The following LIMS2 variants were observed in gnomAD, a reference collection of about 807,000 sequenced individuals.
LIMS2 encodes LIM zinc finger domain containing 2.
A neutral mutation model predicts 45.3 loss-of-function variants in LIMS2; 30 were observed. The ratio of observed to expected loss-of-function variants is 0.66; its 90% CI spans 0.50 to 0.90. The LOEUF (loss-of-function observed/expected upper bound fraction) is 0.90. Among genes scored for constraint, LIMS2 ranks in the 40% least tolerant of loss-of-function variants. The pLI, the probability that LIMS2 is intolerant of heterozygous loss-of-function variation, is 0.00. For missense variants in LIMS2, 485 were observed against 468.7 expected, an observed-to-expected ratio of 1.03 and a Z score of -0.32; for synonymous variants, 173 against 188.0, an observed-to-expected ratio of 0.92 and a Z score of 0.65.
chr2:127,673,500 C>T (rs1242834214), intron 1 of LIMS2, among the ~76,000 whole-genome samples: 3 of 152,200 alleles, frequency 2.0e-5, no homozygotes, highest in Admixed American at 6.5e-5. Context: ...CCAGCGGTTC[C>T]GGCCGGGCTC....
At chr2:127,676,488 T>C (rs1329185174), upstream of LIMS2, among the ~76,000 whole-genome samples, 1 of 145,884 alleles carries the variant, frequency 6.9e-6, no homozygotes, top group African/African-American at 2.6e-5. Context: ...CTCCGCTCAC[T>C]GCAACCTCCG....
chr2:127,677,975 G>A (rs1425346651), upstream of LIMS2, among the ~76,000 whole-genome samples: 1 of 152,104 alleles, frequency 6.6e-6, no homozygotes, highest in Admixed American at 6.5e-5. The surrounding 1 kb of genome is among the most constrained non-coding windows in gnomAD (Gnocchi z 5.0). Context: ...AAGTGTATAT[G>A]CCTTTGTTAA....
Position 127,640,925 on chromosome 2 carries a change from G to A in LIMS2, c.724C>T (p.Leu242=). 2 of 1,613,920 alleles carry A rather than the reference G, an allele frequency of 1.2e-6. No individual in the cohort carries two copies. The highest frequency in any genetic ancestry group is 1.7e-6 in the Non-Finnish European group (2 of 1,179,920). Reference sequence around the variant, plus strand: ...TTGTAGTGAGTCTCGCAGTAGGCCAGGCCCTTCTTCTCATAGTGCCGGTGC... The same window carrying A: ...TTGTAGTGAGTCTCGCAGTAGGCCAAGCCCTTCTTCTCATAGTGCCGGTGC... ...LGHRHYEKKG[L]AYCETHYNQL... is the part of the protein sequence containing the mutation. The change falls in exon 7 of 10, where the codon CTG becomes TTG. Residue 242 remains leucine (L), a synonymous_variant. Transcript: ENST00000355119.
At chr2:127,661,094 G>C (rs992439844) in intron 1 of LIMS2, among the ~76,000 whole-genome samples, 34 of 152,234 alleles carry the variant, frequency 2.2e-4, no homozygotes, top group African/African-American at 7.5e-4. Flanking sequence ...ACAGCACCAT[G>C]AGAGAACACG....
At chr2:127,641,925 G>A in intron 6 of LIMS2, 124 bp downstream of exon 6, 1 of 1,155,986 alleles carries the variant, frequency 8.7e-7, no homozygotes, top group Non-Finnish European at 1.2e-6. Context: ...CCTGAGGAAG[G>A]GCCTCGTTGG....
Position 127,638,623 on chromosome 2 carries a change from C to T in LIMS2, c.*658G>A, listed in dbSNP as rs59780529. On this transcript the variant is annotated 3_prime_UTR_variant, in exon 10 of 10. Transcript: ENST00000355119. ...CAAGGTCGGGGGGAGAGGGGCGGGG[C>T]GGAACCGAGGGCGGAGGCCAAGGTG... The T allele has an allele frequency of 1.4e-3, 207 of 152,962 alleles. 1 individual carries two copies. Among genetic ancestry groups the T allele is most frequent in the African/African-American group, 4.6e-3 (192 of 41,596 alleles). The allele number at this position is 152,962 out of a possible 1,614,324, so 9.5% of individuals were successfully genotyped here. A position where few individuals can be genotyped will look rare whatever the true frequency, so the allele number is the denominator to read the frequency against.
rs191635254 is a variant in LIMS2 at position 127,657,812 on chromosome 2, G to C, written c.12-250C>G. Among the ~76,000 whole-genome samples the C allele has an allele frequency of 2.6e-5, 4 of 152,248 alleles. No individual in the cohort carries two copies. In the East Asian group the frequency reaches 7.7e-4, roughly 29 times the overall value. On this transcript the variant is annotated intron_variant, in intron 1 of 9. Coordinates refer to ENST00000355119, the MANE Select transcript of LIMS2 (RefSeq NM_001161403.3). ...CCTTCTTCAGGGACCAGAGAGTCTC[G>C]CACACAGAACACCACCCAGCACAGG...
intron 1 of LIMS2, among the ~76,000 whole-genome samples, chr2:127,663,888 G>T (rs1434950624): frequency 6.6e-6 from 1 of 152,176 alleles, no homozygotes; most frequent in Non-Finnish European, 1.5e-5. Context: ...ATGCCCTGAG[G>T]ACCATCCTGA....
rs767932935 is a variant in LIMS2, at chr2:127,640,994, A to T, written c.661-6T>A. On this transcript the variant is annotated splice_polypyrimidine_tract_variant and splice_region_variant and intron_variant, in intron 6 of 9. Coordinates refer to ENST00000355119, the MANE Select transcript of LIMS2 (RefSeq NM_001161403.3). ...CACTTGGCACAGACAAAGTGCTGCA[A>T]GGACAAAGGGCGGGCCGGGTGGCAT... 1.9e-6 allele frequency: 3 copies of T among 1,613,384 alleles called. No individual in the cohort carries two copies. The highest frequency in any genetic ancestry group is 2.5e-6 in the Non-Finnish European group (3 of 1,179,630).
intron 4 of LIMS2, chr2:127,646,098 G>A (rs1421753959): frequency 6.6e-6 from 1 of 152,348 alleles, no homozygotes; most frequent in Non-Finnish European, 1.5e-5. Flanking sequence ...CAGGGCCAGA[G>A]GGGCTGTGGT....
intron 4 of LIMS2, among the ~76,000 whole-genome samples, chr2:127,648,627 C>A (rs113335030): frequency 0.015 from 2,269 of 152,182 alleles, 58 homozygotes; most frequent in African/African-American, 0.052. Flanking sequence ...AGGGGCTGGG[C>A]GCAGTGACTC....
rs542877074 is a variant in LIMS2 at position 127,662,741 on chromosome 2, T to C, written c.12-5179A>G. On this transcript the variant is annotated intron_variant, in intron 1 of 9. Transcript: ENST00000355119. ...CAAACCAACATGGCACATGTATACA[T>C]ATGGAACAAACCTGCAGGTTGTGCA... 7.2e-5 allele frequency among the ~76,000 whole-genome samples: 11 copies of C among 151,826 alleles called. 1 individual carries two copies. In the South Asian group the frequency reaches 2.1e-3, roughly 29 times the overall value.
intron 8 of LIMS2, 43 bp from the exon 9 acceptor site, chr2:127,640,188 C>T (rs368717728): frequency 4.0e-4 from 651 of 1,612,270 alleles, no homozygotes; most frequent in Non-Finnish European, 5.0e-4. Context: ...GCTAGGCTGC[C>T]GCAGGCCCGG....
At chr2:127,673,963 G>A in intron 1 of LIMS2, 2 of 548,840 alleles carry the variant, frequency 3.6e-6, no homozygotes, top group East Asian at 6.3e-5. Context: ...GAGAGGCTTG[G>A]GGAGAAGAAA....
At chr2:127,640,478 C>T in intron 7 of LIMS2, 160 bp from the exon 8 acceptor site, 1 of 720,494 alleles carries the variant, frequency 1.4e-6, no homozygotes, top group Non-Finnish European at 2.4e-6. Flanking sequence ...GGCACGGCAA[C>T]CCATGAGAAC....
chr2:127,673,876 G>T, intron 1 of LIMS2: 1 of 750,086 alleles, frequency 1.3e-6, no homozygotes, highest in Non-Finnish European at 2.3e-6. Flanking sequence ...TCCGGGGGAT[G>T]AGTCCCTCCA....
upstream of LIMS2, among the ~76,000 whole-genome samples, chr2:127,678,550 C>T (rs943904544): frequency 2.0e-5 from 3 of 152,058 alleles, no homozygotes; most frequent in African/African-American, 7.2e-5. The surrounding 1 kb of genome is among the most constrained non-coding windows in gnomAD (Gnocchi z 5.3). Context: ...TTGGGCCGTG[C>T]GACAGTAGGG....
intron 1 of LIMS2, among the ~76,000 whole-genome samples, chr2:127,666,545 T>C (rs1163343669): frequency 6.6e-6 from 1 of 152,028 alleles, no homozygotes; most frequent in African/African-American, 2.4e-5. Flanking sequence ...TGCCAATAAA[T>C]GAAATAACCT....
chr2:127,667,666 C>A lies in LIMS2; in HGVS notation c.11+7348G>T, dbSNP rs1243634151. 6.6e-6 allele frequency among the ~76,000 whole-genome samples: 1 copy of A among 152,228 alleles called. No individual in the cohort carries two copies. The highest frequency in any genetic ancestry group is 1.5e-5 in the Non-Finnish European group (1 of 68,032). ...ATCTTTTCATAATAAAAGCACCCAA[C>A]AAACTGGGAATAGAAGGGAACTTCT... On this transcript the variant is annotated intron_variant, in intron 1 of 9. Transcript: ENST00000355119. This position sits in a 1 kb window ranked among gnomAD's most constrained non-coding sequence, Gnocchi z 4.1.
Sources: allele counts gnomAD v4.1 joint callset (sites outside exome capture counted in the v4.1 genomes callset), GRCh38; gene constraint gnomAD v4.1.1; non-coding constraint Gnocchi (gnomAD v3.1); transcripts MANE v1.5; gene names NCBI Gene and HGNC (gene_info 2026-07-23, HGNC 2026-07-21).